The following CDYL2 variants were observed in gnomAD, a reference collection of about 807,000 sequenced individuals.
The protein encoded by CDYL2 is chromodomain Y like 2, also known as chromodomain Y-like protein 2.
In CDYL2, 23 loss-of-function variants were observed where a neutral mutation model predicts 49.4. The observed-to-expected ratio is 0.47, with a 90% confidence interval of 0.34 to 0.66. The LOEUF is 0.66. Among genes scored for constraint, CDYL2 ranks in the 30% least tolerant of loss-of-function variants. The pLI is 0.01. For missense variants in CDYL2, 678 were observed against 656.4 expected, an observed-to-expected ratio of 1.03 and a Z score of -0.36; for synonymous variants, 360 against 268.8, an observed-to-expected ratio of 1.34 and a Z score of -3.32.
At chr16:80,757,422 A>C (rs9922187) in intron 1 of CDYL2, among the ~76,000 whole-genome samples, 88,505 of 151,306 alleles carry the variant, frequency 0.58, 27,150 homozygotes, top group African/African-American at 0.78. Context: ...TGCCTGTAGT[A>C]CTAGCTGCTC....
intron 2 of CDYL2, among the ~76,000 whole-genome samples, chr16:80,652,561 G>A (rs767095974): frequency 6.6e-6 from 1 of 152,184 alleles, no homozygotes; most frequent in Non-Finnish European, 1.5e-5. Context: ...ATTCCTGAGT[G>A]AGCACCACGC....
chr16:80,717,314 T>C (rs897178289), intron 1 of CDYL2, among the ~76,000 whole-genome samples: 37 of 152,198 alleles, frequency 2.4e-4, no homozygotes, highest in African/African-American at 7.5e-4. Context: ...TCTATGACGA[T>C]CTTGAATTAT....
intron 1 of CDYL2, among the ~76,000 whole-genome samples, chr16:80,801,203 C>G (rs924398934): frequency 5.9e-5 from 9 of 152,280 alleles, no homozygotes; most frequent in African/African-American, 2.2e-4. Flanking sequence ...TTTAAAATCA[C>G]CTTCCTATAA....
At chr16:80,704,676 T>C (rs921027959) in intron 1 of CDYL2, among the ~76,000 whole-genome samples, 1 of 152,198 alleles carries the variant, frequency 6.6e-6, no homozygotes, top group Admixed American at 6.5e-5. Flanking sequence ...GAACAGGGCA[T>C]GCGGGAGGAG....
At chr16:80,782,648 A>G (rs1907310221) in intron 1 of CDYL2, among the ~76,000 whole-genome samples, 1 of 151,928 alleles carries the variant, frequency 6.6e-6, no homozygotes, top group African/African-American at 2.4e-5. Flanking sequence ...ATCACACACC[A>G]TGACCAAGAG....
chr16:80,703,349 G>A (rs889780883), intron 1 of CDYL2, among the ~76,000 whole-genome samples: 6 of 151,468 alleles, frequency 4.0e-5, no homozygotes, highest in Non-Finnish European at 5.9e-5. Context: ...TCTTTTTTTC[G>A]ACTGTGAACC....
At chr16:80,629,226 C>T (rs558591808) in intron 3 of CDYL2, among the ~76,000 whole-genome samples, 1 of 152,078 alleles carries the variant, frequency 6.6e-6, no homozygotes, top group Non-Finnish European at 1.5e-5. Flanking sequence ...GATCATTCTG[C>T]CTGCCTTATG....
intron 1 of CDYL2, among the ~76,000 whole-genome samples, chr16:80,792,705 C>T (rs570662315): frequency 2.0e-5 from 3 of 152,248 alleles, no homozygotes; most frequent in Admixed American, 6.5e-5. Flanking sequence ...AGGAGTATCA[C>T]GTATCCACCC....
chr16:80,621,091 G>C (rs1907065699), intron 3 of CDYL2, among the ~76,000 whole-genome samples, 156 bp from the exon 4 acceptor site: 1 of 152,222 alleles, frequency 6.6e-6, no homozygotes, highest in Admixed American at 6.5e-5. Flanking sequence ...GTACAAGCAA[G>C]AGTCCAGAGC....
In CDYL2 at chr16:80,609,713, C is replaced by G. The variant is rs1428323805; in HGVS notation, c.1219-1478G>C. 2.0e-5 allele frequency among the ~76,000 whole-genome samples: 3 copies of G among 152,152 alleles called. No homozygotes were observed. In the East Asian group the frequency reaches 5.8e-4, roughly 29 times the overall value. ...CGAGGCCCCCATTCATACGGAAAGGCTCCTGGCCACCCCTCAGACACCATA... is the reference window on the plus strand; with the variant it reads ...CGAGGCCCCCATTCATACGGAAAGGGTCCTGGCCACCCCTCAGACACCATA... On this transcript the variant is annotated intron_variant, in intron 5 of 6. Coordinates refer to ENST00000570137, the MANE Select transcript of CDYL2 (RefSeq NM_152342.4).
At chr16:80,640,885 T>C (rs1331330572) in intron 2 of CDYL2, among the ~76,000 whole-genome samples, 1 of 152,144 alleles carries the variant, frequency 6.6e-6, no homozygotes, top group African/African-American at 2.4e-5. Flanking sequence ...GACAGGCTAT[T>C]TGAAAATATA....
chr16:80,718,398 C>T (rs1164430510), intron 1 of CDYL2, among the ~76,000 whole-genome samples: 1 of 152,168 alleles, frequency 6.6e-6, no homozygotes, highest in Non-Finnish European at 1.5e-5. Flanking sequence ...CATCAACCCA[C>T]TGAAGGGGAG....
chr16:80,633,294 T>C (rs1220778347), intron 2 of CDYL2, 58 bp from the exon 3 acceptor site: 5 of 1,545,676 alleles, frequency 3.2e-6, no homozygotes, highest in East Asian at 4.5e-5. Flanking sequence ...CCTAGAAGGA[T>C]GTGATCAGAG....
At chr16:80,649,769 C>T (rs1908506752) in intron 2 of CDYL2, among the ~76,000 whole-genome samples, 1 of 152,062 alleles carries the variant, frequency 6.6e-6, no homozygotes, top group Non-Finnish European at 1.5e-5. Flanking sequence ...AAAACAGATA[C>T]AGAGATGAAT....
intron 1 of CDYL2, among the ~76,000 whole-genome samples, chr16:80,690,392 A>G (rs1910368618): frequency 6.6e-6 from 1 of 152,030 alleles, no homozygotes; most frequent in Non-Finnish European, 1.5e-5. Context: ...ATAACATACC[A>G]CCATCACCAC....
chr16:80,687,245 G>A (rs1308751700), intron 1 of CDYL2, among the ~76,000 whole-genome samples: 1 of 152,214 alleles, frequency 6.6e-6, no homozygotes, highest in African/African-American at 2.4e-5. Flanking sequence ...AAGGGATGTG[G>A]TGTATTCTCA....
intron 1 of CDYL2, among the ~76,000 whole-genome samples, chr16:80,754,340 G>A (rs1906235889): frequency 6.6e-6 from 1 of 152,160 alleles, no homozygotes; most frequent in African/African-American, 2.4e-5. Context: ...CTTTCTGGGG[G>A]CTGGGTGGAC....
chr16:80,711,603 T>A (rs1051905902), intron 1 of CDYL2, among the ~76,000 whole-genome samples: 1 of 152,212 alleles, frequency 6.6e-6, no homozygotes, highest in Admixed American at 6.5e-5. Flanking sequence ...CTACATGCTG[T>A]GTGACCCACA....
At chr16:80,721,890 T>A (rs1905010358) in intron 1 of CDYL2, among the ~76,000 whole-genome samples, 1 of 152,134 alleles carries the variant, frequency 6.6e-6, no homozygotes, top group Non-Finnish European at 1.5e-5. Context: ...CTGAACCTGC[T>A]GGGCTGCAAA....
Sources: gnomAD v4.1 joint callset for allele counts (sites outside exome capture counted in the v4.1 genomes callset) on GRCh38, gnomAD v4.1.1 for gene constraint, MANE v1.5 for transcripts, NCBI Gene and HGNC (gene_info 2026-07-23, HGNC 2026-07-21) for gene names.